Variants in HECTD4 observed in about 807,000 individuals in gnomAD.
The protein encoded by HECTD4 is HECT domain E3 ubiquitin protein ligase 4.
HECTD4 carries 114 observed loss-of-function variants against 471.5 expected under a neutral mutation model. That is an observed-to-expected ratio of 0.24 (90% CI 0.21 to 0.28). The LOEUF (loss-of-function observed/expected upper bound fraction) is 0.28. Ranked by LOEUF, HECTD4 falls within the 10% of genes least tolerant of loss-of-function variation. The pLI is 1.00. For synonymous variants in HECTD4, 2,012 were observed against 2,256.0 expected, an observed-to-expected ratio of 0.89 and a Z score of 3.07; for missense variants, 3,866 against 5,651.5, an observed-to-expected ratio of 0.68 and a Z score of 10.13.
intron 67 of HECTD4, 54 bp downstream of exon 67, chr12:112,172,613 GTCAT>G: frequency 1.3e-6 from 2 of 1,546,866 alleles, no homozygotes; most frequent in Non-Finnish European, 1.8e-6. Flanking sequence ...AATGCCCCTT[GTCAT>G]GGGGCATGCC....
intron 55 of HECTD4, among the ~76,000 whole-genome samples, chr12:112,198,615 T>C (rs1566069165): frequency 6.6e-6 from 1 of 152,170 alleles, no homozygotes; most frequent in Non-Finnish European, 1.5e-5. Context: ...CTGATAGCTC[T>C]CTTGAGGAAA....
At chr12:112,361,985 G>A (rs923376584) in intron 1 of HECTD4, among the ~76,000 whole-genome samples, 2 of 152,180 alleles carry the variant, frequency 1.3e-5, no homozygotes, top group Non-Finnish European at 2.9e-5. Context: ...GAACTACTTG[G>A]AGAAAGATGA....
intron 21 of HECTD4, among the ~76,000 whole-genome samples, chr12:112,255,004 G>A (rs1593980612): frequency 6.6e-6 from 1 of 152,156 alleles, no homozygotes; most frequent in South Asian, 2.1e-4. Flanking sequence ...TTATTATTTC[G>A]TGATTTCTTA....
intron 55 of HECTD4, among the ~76,000 whole-genome samples, chr12:112,199,834 T>C (rs1378702404): frequency 6.6e-6 from 1 of 152,126 alleles, no homozygotes; most frequent in Non-Finnish European, 1.5e-5. Flanking sequence ...TTTCTTGACT[T>C]GCTTTACTCT....
At chr12:112,178,850 G>A (rs2031559289) in intron 64 of HECTD4, 81 bp downstream of exon 64, 2 of 1,455,556 alleles carry the variant, frequency 1.4e-6, no homozygotes, top group African/African-American at 1.4e-5. Context: ...CAGAGGAGCT[G>A]CCGCCCCTCA....
At chr12:112,366,099 A>G (rs2036552640) in intron 1 of HECTD4, among the ~76,000 whole-genome samples, 1 of 152,172 alleles carries the variant, frequency 6.6e-6, no homozygotes, top group Non-Finnish European at 1.5e-5. Flanking sequence ...GATTAGCAGT[A>G]TAAGATACCA....
At chr12:112,297,556 G>A (rs1040378307) in intron 7 of HECTD4, among the ~76,000 whole-genome samples, 2 of 151,962 alleles carry the variant, frequency 1.3e-5, no homozygotes, top group Non-Finnish European at 2.9e-5. Context: ...AGGGGTAGGG[G>A]GAGAAGGCAG....
Position 112,166,256 on chromosome 12 carries a change from A to G in HECTD4, c.12534+1061T>C, listed in dbSNP as rs1264874253. 1 of 152,224 alleles carries G rather than the reference A, an allele frequency of 6.6e-6. No individual in the cohort carries two copies. The highest frequency in any genetic ancestry group is 2.4e-5 in the African/African-American group (1 of 41,432). The allele number at this position is 152,224 out of a possible 1,614,324, so 9.4% of individuals were successfully genotyped here. A position where few individuals can be genotyped will look rare whatever the true frequency, so the allele number is the denominator to read the frequency against. ...TCATCCCTGTTTCTACCGAGAAGCC[A>G]CTGGCATCCGGGACTCTGGCTCTGC... On this transcript the variant is annotated intron_variant, in intron 72 of 75. Transcript: ENST00000682272. The surrounding 1 kb of genome is among the most constrained non-coding windows in gnomAD (Gnocchi z 4.6).
rs184160895 is a variant in HECTD4 at position 112,191,445 on chromosome 12, C to A, written c.9293-480G>T. 3.0e-3 allele frequency among the ~76,000 whole-genome samples: 453 copies of A among 152,278 alleles called. 2 individuals carry two copies. Among genetic ancestry groups the A allele is most frequent in the African/African-American group, 9.8e-3 (409 of 41,542 alleles). ...GCACCTTGGGTTTTGATTATCTTAT[C>A]ACCTTTTGTCACTGCCATGGCCTAC... On this transcript the variant is annotated intron_variant, in intron 59 of 75. Transcript: ENST00000682272.
chr12:112,251,047 T>C lies in HECTD4; in HGVS notation c.3640A>G (p.Ile1214Val), dbSNP rs1566087571. ...LSVLACSMLR[I>V]LYNGPEITKE... ...GTAATTTCTGGTCCATTGTACAGGA[T>C]TCTTAACATGGAACAAGCTAACACA... Residue 1214 changes from isoleucine to valine, a missense_variant, in exon 24 of 76, where the codon ATC becomes GTC. Transcript: ENST00000682272. 1 of 1,614,022 alleles carries C rather than the reference T, an allele frequency of 6.2e-7. No homozygotes were observed. Among genetic ancestry groups the C allele is most frequent in the Admixed American group, 1.7e-5 (1 of 60,016 alleles).
At chr12:112,285,647 G>A (rs1239102754) in intron 7 of HECTD4, among the ~76,000 whole-genome samples, 8 of 151,936 alleles carry the variant, frequency 5.3e-5, no homozygotes, top group East Asian at 1.9e-4. Context: ...ATGAATACTC[G>A]ATTGCTTGCT....
intron 1 of HECTD4, among the ~76,000 whole-genome samples, chr12:112,339,583 G>T (rs1214222515): frequency 6.6e-6 from 1 of 150,986 alleles, no homozygotes; most frequent in East Asian, 1.9e-4. Flanking sequence ...GAAAATAAGG[G>T]GTGTGTGTGT....
chr12:112,264,202 G>C lies in HECTD4; in HGVS notation c.2630C>G (p.Ser877Cys). The change falls in exon 17 of 76, where the codon TCC becomes TGC. Residue 877 changes from serine (S) to cysteine (C), a missense_variant. Coordinates refer to ENST00000682272, the MANE Select transcript of HECTD4 (RefSeq NM_001388303.1). ...AACTGCCATCAGATAGCGCAGGCAG[G>C]AGGATGCAGCCTTTAATACAAATAA... ...KLLSTVPAASSCLRYLMAVQN... is the reference protein window; with the variant it reads ...KLLSTVPAASCCLRYLMAVQN... 1.3e-6 allele frequency: 2 copies of C among 1,595,372 alleles called. No homozygotes were observed. Among genetic ancestry groups the C allele is most frequent in the Non-Finnish European group, 1.7e-6 (2 of 1,170,392 alleles).
chr12:112,169,812 T>A, intron 69 of HECTD4, 154 bp from the exon 70 acceptor site: 1 of 842,490 alleles, frequency 1.2e-6, no homozygotes, highest in Non-Finnish European at 1.9e-6. Context: ...TCAGAACACC[T>A]TAGAGCCTTC....
In HECTD4 at chr12:112,264,154, G is replaced by C; in HGVS notation, c.2678C>G (p.Thr893Ser). The change falls in exon 17 of 76, where the codon ACT (threonine) becomes AGT (serine). Residue 893 changes from threonine (T) to serine (S), a missense_variant. Thr to Ser is a moderately conservative substitution (Grantham distance 58). This residue lies in a region of HECTD4 where 525 missense variants were observed against 672.6 expected (regional missense o/e 0.78). Coordinates refer to ENST00000682272, the MANE Select transcript of HECTD4 (RefSeq NM_001388303.1). ...MAVQNHLLSN[T>S]ILIKPDENDD... Reference sequence around the variant, plus strand: ...ATTCTCATCAGGTTTAATCAAAATAGTGTTACTGAGAAGGTGATTCTGAAC... The same window carrying C: ...ATTCTCATCAGGTTTAATCAAAATACTGTTACTGAGAAGGTGATTCTGAAC... 2 of 1,607,228 alleles carry C rather than the reference G, an allele frequency of 1.2e-6. No individual in the cohort carries two copies. Among genetic ancestry groups the C allele is most frequent in the Non-Finnish European group, 1.7e-6 (2 of 1,176,696 alleles).
intron 1 of HECTD4, among the ~76,000 whole-genome samples, chr12:112,338,284 A>G (rs977086676): frequency 6.6e-6 from 1 of 152,170 alleles, no homozygotes; most frequent in Non-Finnish European, 1.5e-5. Context: ...CACATCTACA[A>G]AGACCCTTTC....
At chr12:112,375,795 G>A (rs761699333) in intron 1 of HECTD4, among the ~76,000 whole-genome samples, 1 of 151,766 alleles carries the variant, frequency 6.6e-6, no homozygotes, top group African/African-American at 2.4e-5. Flanking sequence ...TAAGCCGGTC[G>A]TGGTGGCTCA....
At chr12:112,230,912 C>T in intron 39 of HECTD4, 90 bp from the exon 40 acceptor site, 1 of 1,253,562 alleles carries the variant, frequency 8.0e-7, no homozygotes, top group Middle Eastern at 2.3e-4. Context: ...AGAGGAAAAC[C>T]TTTTCTTTTT....
chr12:112,168,021 C>T (rs906319970), intron 70 of HECTD4, 104 bp from the exon 71 acceptor site: 3 of 913,930 alleles, frequency 3.3e-6, no homozygotes, highest in Admixed American at 1.9e-5. Context: ...CCTTCCACGG[C>T]CTACCTGCCG....
Sources: allele counts gnomAD v4.1 joint callset (sites outside exome capture counted in the v4.1 genomes callset), GRCh38; gene constraint gnomAD v4.1.1; regional missense constraint gnomAD v4.1.1; non-coding constraint Gnocchi (gnomAD v3.1); transcripts MANE v1.5; gene names NCBI Gene and HGNC (gene_info 2026-07-23, HGNC 2026-07-21).